The following PRDM15 variants were observed in gnomAD, a reference collection of about 807,000 sequenced individuals.
The protein encoded by PRDM15 is PR/SET domain 15, also known as PR domain zinc finger protein 15.
In PRDM15, 64 loss-of-function variants were observed where a neutral mutation model predicts 128.6. The observed-to-expected ratio is 0.50, with a 90% CI of 0.41 to 0.61. The LOEUF is 0.61. PRDM15 is among the 20% of genes least tolerant of loss of function. PRDM15 has a pLI of 0.00. For synonymous variants in PRDM15, 615 were observed against 621.8 expected (o/e 0.99, Z 0.16); for missense variants, 1,242 against 1,569.1 (o/e 0.79, Z 3.52).
chr21:41,842,421 TAATC>T (rs1387902582), intron 6 of PRDM15, among the ~76,000 whole-genome samples: 1 of 152,250 alleles, frequency 6.6e-6, no homozygotes, highest in Non-Finnish European at 1.5e-5. Context: ...GGTAAATCAA[TAATC>T]AGTGTATTCA....
chr21:41,829,137 C>T, intron 11 of PRDM15, among the ~76,000 whole-genome samples: 1 of 149,066 alleles, frequency 6.7e-6, no homozygotes, highest in East Asian at 2.0e-4. Flanking sequence ...ACCACACACA[C>T]ATGCCCCACA....
chr21:41,806,986 T>A (rs921523651), intron 21 of PRDM15, among the ~76,000 whole-genome samples: 1 of 132,084 alleles, frequency 7.6e-6, no homozygotes, highest in Non-Finnish European at 1.6e-5. Flanking sequence ...CACCACCACC[T>A]CCCCCATCAC....
Position 41,802,913 on chromosome 21 carries a change from C to T in PRDM15, c.2742G>A (p.Leu914=). Residue 914 remains leucine (L), a synonymous_variant, in exon 23 of 24, where the codon CTG becomes CTA. Coordinates refer to ENST00000398548, the MANE Select transcript of PRDM15 (RefSeq NM_001040424.3). The part of the protein sequence containing the change: ...ASSIGIVQPE[L]TLEQEDLAEG... ...CGGCCAAATCCTCCTGCTCCAGAGTCAGCTCAGGCTGCAGAAAAATCGGTT... is the reference window on the plus strand; with the variant it reads ...CGGCCAAATCCTCCTGCTCCAGAGTTAGCTCAGGCTGCAGAAAAATCGGTT... 6.2e-7 allele frequency: 1 copy of T among 1,613,964 alleles called. No individual in the cohort carries two copies. The highest frequency in any genetic ancestry group is 1.7e-5 in the Admixed American group (1 of 60,016).
rs768657655 is a variant in PRDM15 at position 41,879,240 on chromosome 21, G to T, written c.-10+30C>A. 2.2e-6 allele frequency: 2 copies of T among 892,772 alleles called. No individual in the cohort carries two copies. The highest frequency in any genetic ancestry group is 6.2e-5 in the Admixed American group (1 of 16,096). The allele number at this position is 892,772 out of a possible 1,614,324, so 55.3% of individuals were successfully genotyped here. ...GGGCCGGCGGGGCGCACGCCGGGGC[G>T]GGCGGCGGGCGCAGGGCCCGGAGCT... is the stretch of plus-strand genomic sequence containing the variant. On this transcript the variant is annotated intron_variant, in intron 1 of 23. Coordinates refer to ENST00000398548, the MANE Select transcript of PRDM15 (RefSeq NM_001040424.3). The surrounding 1 kb of genome is among the most constrained non-coding windows in gnomAD (Gnocchi z 5.1).
intron 7 of PRDM15, 113 bp downstream of exon 7, chr21:41,839,510 C>G: frequency 3.8e-6 from 3 of 798,686 alleles, no homozygotes; most frequent in East Asian, 4.9e-5. Flanking sequence ...TTCCACGAGG[C>G]CTTTCTACAC....
At chr21:41,874,523 A>ATTTTTTTTT (rs879505958) in intron 1 of PRDM15, among the ~76,000 whole-genome samples, 59 of 78,740 alleles carry the variant, frequency 7.5e-4, no homozygotes, top group African/African-American at 1.9e-3. Flanking sequence ...ATATATATAT[A>ATTTTTTTTT]TATTTTTTTT....
intron 21 of PRDM15, among the ~76,000 whole-genome samples, chr21:41,805,667 A>G (rs1430369137): frequency 1.3e-5 from 2 of 151,918 alleles, no homozygotes; most frequent in Non-Finnish European, 2.9e-5. Flanking sequence ...CCCTGAGCAA[A>G]AGCAACCAGA....
Position 41,815,807 on chromosome 21 carries a change from G to T in PRDM15, c.2290C>A (p.His764Asn). Reference protein sequence around the residue: ...GMKTKHALRHHMKLHKGIKEY... With the variant: ...GMKTKHALRHNMKLHKGIKEY... ...TTGATGCCCTTGTGCAGCTTCATGTGGTGGCGCAGCGCGTGCTTGGTCTTC... is the reference window on the plus strand; with the variant it reads ...TTGATGCCCTTGTGCAGCTTCATGTTGTGGCGCAGCGCGTGCTTGGTCTTC... Residue 764 changes from histidine (H) to asparagine (N), a missense_variant, in exon 19 of 24, where the codon CAC becomes AAC. Physicochemically the swap from His to Asn is moderately conservative, Grantham distance 68 (BLOSUM62 1). Coordinates refer to ENST00000398548, the MANE Select transcript of PRDM15 (RefSeq NM_001040424.3). 6.2e-7 allele frequency: 1 copy of T among 1,614,030 alleles called. No homozygotes were observed. The highest frequency in any genetic ancestry group is 8.5e-7 in the Non-Finnish European group (1 of 1,179,960).
Position 41,835,424 on chromosome 21 carries a change from C to G in PRDM15, c.1366+13G>C. 3.1e-6 allele frequency: 5 copies of G among 1,601,574 alleles called. No homozygotes were observed. The highest frequency in any genetic ancestry group is 4.3e-6 in the Non-Finnish European group (5 of 1,175,334). ...GCACAGCGGCCGAGGGGAGACGTGA[C>G]CGGCGCCCTCACCTGTCCTGCAGTT... On this transcript the variant is annotated intron_variant, in intron 11 of 23. Coordinates refer to ENST00000398548, the MANE Select transcript of PRDM15 (RefSeq NM_001040424.3).
At position 41,861,949 on chromosome 21, in the gene PRDM15, C is replaced by T. The variant is rs756811004; in HGVS notation, c.-9-1577G>A. 25 of 1,613,854 alleles carry T rather than the reference C, an allele frequency of 1.5e-5. No homozygotes were observed. The South Asian group carries it at 1.6e-4, about 11-fold the overall frequency. Reference sequence around the variant, plus strand: ...CATTCACGTTCAAAGGTATCTCGTGCGGCTCTAGCAAGTGTGACTCAGTTT... The same window carrying T: ...CATTCACGTTCAAAGGTATCTCGTGTGGCTCTAGCAAGTGTGACTCAGTTT... On this transcript the variant is annotated intron_variant, in intron 1 of 23. Transcript: ENST00000398548.
At chr21:41,820,305 T>C in intron 16 of PRDM15, 131 bp from the exon 17 acceptor site, 1 of 690,968 alleles carries the variant, frequency 1.4e-6, no homozygotes, top group South Asian at 1.7e-5. Flanking sequence ...AAGAAGCAGA[T>C]ATTTGAGCCT....
chr21:41,867,406 A>AAGTGTGTAGAGCCTCAGCTT, intron 1 of PRDM15: 1 of 1,527,496 alleles, frequency 6.5e-7, no homozygotes, highest in Non-Finnish European at 9.1e-7. Flanking sequence ...AAGCAAGCTG[A>AAGTGTGTAGAGCCTCAGCTT]GGCTCTACAC....
intron 11 of PRDM15, among the ~76,000 whole-genome samples, chr21:41,831,317 C>T (rs371196899): frequency 6.6e-6 from 1 of 152,232 alleles, no homozygotes; most frequent in South Asian, 2.1e-4. Context: ...GTGGGCCACC[C>T]TGTGCACCGT....
In PRDM15 at chr21:41,801,456, C is replaced by T. The variant is rs77715313; in HGVS notation, c.3210G>A (p.Ser1070=). The T allele has an allele frequency of 2.0e-5, 33 of 1,614,098 alleles. No homozygotes were observed. In the East Asian group the frequency reaches 2.5e-4, roughly 12 times the overall value. ...TGAAATGGGCCACAGACTGTGGGTT[C>T]GAGGCTTCCGGCTGGGGGTGGATCT... ...DVQIHPQPEA[S]NPQSVAHFIN... The change falls in exon 24 of 24, where the codon TCG becomes TCA. Residue 1070 remains serine (S), a synonymous_variant. Transcript: ENST00000398548.
chr21:41,831,752 C>A (rs1167947057), intron 11 of PRDM15, among the ~76,000 whole-genome samples: 1 of 152,192 alleles, frequency 6.6e-6, no homozygotes, highest in Non-Finnish European at 1.5e-5. Flanking sequence ...ACAGCTCCAA[C>A]CACGGCAGGA....
At chr21:41,861,540 C>CA (rs770588939) in intron 1 of PRDM15, 5 of 1,564,036 alleles carry the variant, frequency 3.2e-6, no homozygotes, top group Middle Eastern at 2.3e-4. Flanking sequence ...CTCTGCCCCC[C>CA]CCCAATCCCC....
rs916693292 is a variant in PRDM15, at chr21:41,854,745, A to G, written c.359T>C (p.Val120Ala). 1 of 1,613,198 alleles carries G rather than the reference A, an allele frequency of 6.2e-7. No homozygotes were observed. Among genetic ancestry groups the G allele is most frequent in the Non-Finnish European group, 8.5e-7 (1 of 1,179,740 alleles). The change falls in exon 5 of 24, where the codon GTG becomes GCG. Residue 120 changes from valine to alanine, a missense_variant. Around this residue, in one of 3 missense-constraint regions of PRDM15, gnomAD observed 612 missense variants for 717.0 expected, o/e 0.85. Transcript: ENST00000398548. This position sits in a 1 kb window ranked among gnomAD's most constrained non-coding sequence, Gnocchi z 4.6. ...NEDDCNWMML[V>A]RPAAEAEHQN... The stretch of plus-strand genomic sequence containing the variant: ...GTGCTCGGCCTCCGCCGCTGGCCGC[A>G]CCAGCATCATCCAGTTGCAGTCATC...
At chr21:41,842,560 G>A (rs758262298) in intron 6 of PRDM15, among the ~76,000 whole-genome samples, 4 of 151,920 alleles carry the variant, frequency 2.6e-5, no homozygotes, top group Non-Finnish European at 4.4e-5. Flanking sequence ...GTGCGATCTC[G>A]GCTCACTATA....
intron 1 of PRDM15, chr21:41,877,510 A>C (rs1316461872): frequency 1.3e-5 from 2 of 152,230 alleles, no homozygotes; most frequent in African/African-American, 4.8e-5. Flanking sequence ...CGGAGTCTGA[A>C]AAATCATTTA....
Sources: gnomAD v4.1 joint callset for allele counts (sites outside exome capture counted in the v4.1 genomes callset) on GRCh38, gnomAD v4.1.1 for gene constraint, gnomAD v4.1.1 regional missense constraint, Gnocchi (gnomAD v3.1) non-coding constraint, MANE v1.5 for transcripts, NCBI Gene and HGNC (gene_info 2026-07-23, HGNC 2026-07-21) for gene names.